TNRC6A: variants seen among roughly 807,000 people sequenced by gnomAD.
TNRC6A encodes trinucleotide repeat-containing gene 6A protein.
A neutral mutation model predicts 221.2 loss-of-function variants in TNRC6A; 44 were observed. The ratio of observed to expected loss-of-function variants is 0.20; its 90% CI spans 0.16 to 0.26. The LOEUF is 0.26. Ranked by LOEUF, TNRC6A falls within the 10% of genes least tolerant of loss-of-function variation. The pLI is 1.00. For missense variants in TNRC6A, 2,199 were observed against 2,404.4 expected (o/e 0.91, Z 1.79); for synonymous variants, 847 against 838.5 (o/e 1.01, Z -0.18).
At chr16:24,779,577 A>G (rs538795423) in intron 5 of TNRC6A, among the ~76,000 whole-genome samples, 1 of 152,322 alleles carries the variant, frequency 6.6e-6, no homozygotes, top group African/African-American at 2.4e-5. Context: ...ACAGTGGCTA[A>G]TCCTTATGGG....
intron 12 of TNRC6A, 131 bp from the exon 13 acceptor site, chr16:24,804,574 C>T (rs1308885750): frequency 7.4e-7 from 1 of 1,358,516 alleles, no homozygotes; most frequent in Admixed American, 2.6e-5. Context: ...CTAATCCGAT[C>T]TCTTCTGTTT....
At chr16:24,719,620 C>T (rs1275131180) in intron 2 of TNRC6A, among the ~76,000 whole-genome samples, 1 of 148,356 alleles carries the variant, frequency 6.7e-6, no homozygotes, top group African/African-American at 2.6e-5. Context: ...AGTCATGCCA[C>T]TGTACTCTAG....
intron 2 of TNRC6A, among the ~76,000 whole-genome samples, chr16:24,649,009 G>T (rs917715457): frequency 2.0e-5 from 3 of 151,928 alleles, no homozygotes; most frequent in Non-Finnish European, 4.4e-5. Context: ...GGCCGGGTGC[G>T]GTGGCTCACG....
intron 2 of TNRC6A, among the ~76,000 whole-genome samples, chr16:24,704,622 A>T (rs2056056318): frequency 7.3e-6 from 1 of 136,310 alleles, no homozygotes; most frequent in South Asian, 2.5e-4. Context: ...CCAACATCAC[A>T]CCACAGCACT....
intron 1 of TNRC6A, among the ~76,000 whole-genome samples, chr16:24,613,831 C>A (rs943708036): frequency 6.6e-6 from 1 of 152,082 alleles, no homozygotes; most frequent in Non-Finnish European, 1.5e-5. Context: ...CTACTGTGCC[C>A]AGCCTATTAA....
chr16:24,818,953 A>C (rs1340967043), intron 21 of TNRC6A, among the ~76,000 whole-genome samples: 2 of 152,100 alleles, frequency 1.3e-5, no homozygotes, highest in African/African-American at 2.4e-5. Context: ...ATTAAATGTA[A>C]TTTAATCCAA....
At chr16:24,689,655 A>G (rs1418975775) in intron 2 of TNRC6A, among the ~76,000 whole-genome samples, 2 of 151,998 alleles carry the variant, frequency 1.3e-5, no homozygotes, top group Non-Finnish European at 2.9e-5. Context: ...GCAGATACAA[A>G]TTGCTGCCCT....
intron 1 of TNRC6A, among the ~76,000 whole-genome samples, chr16:24,630,701 C>T (rs1901287546): frequency 6.6e-6 from 1 of 152,144 alleles, no homozygotes. Flanking sequence ...TAGGGAGCCC[C>T]ACACTGGTCA....
Position 24,822,163 on chromosome 16 carries a change from A to T in TNRC6A, c.5373+16A>T, listed in dbSNP as rs370097254. On this transcript the variant is annotated intron_variant, in intron 23 of 24. Transcript: ENST00000395799. ...TACACCTCAGGTAAGGATACCAGAT[A>T]CGCTGGTTTATGTGGCTACGCCAGG... 2 of 1,612,286 alleles carry T rather than the reference A, an allele frequency of 1.2e-6. No individual in the cohort carries two copies. The highest frequency in any genetic ancestry group is 2.2e-5 in the South Asian group (2 of 91,032).
In TNRC6A at chr16:24,634,610, A is replaced by G. The variant is rs573986109; in HGVS notation, n.277-6274A>G. 1.3e-4 allele frequency among the ~76,000 whole-genome samples: 20 copies of G among 152,260 alleles called. No homozygotes were observed. The South Asian group carries it at 3.7e-3, about 28-fold the overall frequency. On this transcript the variant is annotated intron_variant and non_coding_transcript_variant, in intron 1 of 2. Transcript: ENST00000566108. ...TATGACTTATTCGGCCATCGTCTCT[A>G]TATTTGTTTTTACACTTTTCTGTGT...
chr16:24,773,616 T>C (rs1345168690), intron 4 of TNRC6A, among the ~76,000 whole-genome samples: 2 of 152,236 alleles, frequency 1.3e-5, no homozygotes, highest in Admixed American at 6.5e-5. Context: ...GTTACCTGTT[T>C]TCAAGATACA....
chr16:24,805,369 G>T (rs1198867710), intron 14 of TNRC6A: 1 of 943,812 alleles, frequency 1.1e-6, no homozygotes, highest in East Asian at 2.6e-5. Context: ...ACATTCTTGA[G>T]AGTAGGACAA....
chr16:24,647,187 C>T (rs901830074), intron 2 of TNRC6A, among the ~76,000 whole-genome samples: 13 of 152,194 alleles, frequency 8.5e-5, no homozygotes, highest in African/African-American at 2.9e-4. Context: ...CCACCTTGGC[C>T]TCCCAAAGTG....
intron 2 of TNRC6A, among the ~76,000 whole-genome samples, chr16:24,720,514 C>G (rs1224963650): frequency 2.6e-5 from 4 of 151,186 alleles, no homozygotes; most frequent in Non-Finnish European, 4.4e-5. Context: ...CATGGTGAAA[C>G]CCCGTCTCTA....
intron 2 of TNRC6A, among the ~76,000 whole-genome samples, chr16:24,717,243 C>A (rs1196690794): frequency 6.6e-6 from 1 of 152,066 alleles, no homozygotes; most frequent in Non-Finnish European, 1.5e-5. Context: ...AGTCACTGTA[C>A]CTGGCCTCAT....
chr16:24,765,517 G>T (rs2057454292), intron 4 of TNRC6A, among the ~76,000 whole-genome samples: 2 of 152,074 alleles, frequency 1.3e-5, no homozygotes, highest in Admixed American at 6.5e-5. Flanking sequence ...TGTGTTGTAG[G>T]GTGGTATTAA....
intron 2 of TNRC6A, among the ~76,000 whole-genome samples, chr16:24,715,642 G>C (rs1283063519): frequency 6.9e-6 from 1 of 144,270 alleles, no homozygotes; most frequent in Non-Finnish European, 1.5e-5. Flanking sequence ...AATTAAGACG[G>C]AGTCTCACTC....
At chr16:24,641,311 T>A (rs1901939651) in intron 2 of TNRC6A, among the ~76,000 whole-genome samples, 1 of 152,244 alleles carries the variant, frequency 6.6e-6, no homozygotes, top group East Asian at 1.9e-4. Flanking sequence ...CTGCGACCCA[T>A]GCTCTTTCTG....
At chr16:24,819,374 T>C (rs912553169) in intron 21 of TNRC6A, among the ~76,000 whole-genome samples, 5 of 152,340 alleles carry the variant, frequency 3.3e-5, no homozygotes, top group Admixed American at 2.6e-4. Flanking sequence ...TACCCACTCA[T>C]GTCTCCATTG....
Sources: gnomAD v4.1 joint callset for allele counts (sites outside exome capture counted in the v4.1 genomes callset) on GRCh38, gnomAD v4.1.1 for gene constraint, MANE v1.5 for transcripts, NCBI Gene and HGNC (gene_info 2026-07-23, HGNC 2026-07-21) for gene names.